Variants in ZHX3 observed in about 807,000 individuals in gnomAD.
ZHX3 encodes the protein zinc fingers and homeoboxes 3.
In ZHX3, 20 loss-of-function variants were observed where a neutral mutation model predicts 64.5. The ratio of observed to expected loss-of-function variants is 0.31; its 90% CI spans 0.22 to 0.45. ZHX3 has a LOEUF of 0.45. Ranked by LOEUF, ZHX3 falls within the 20% of genes least tolerant of loss-of-function variation. The pLI is 1.00. For synonymous variants in ZHX3, 423 were observed against 461.6 expected, an observed-to-expected ratio of 0.92 and a Z score of 1.07; for missense variants, 1,041 against 1,195.8, an observed-to-expected ratio of 0.87 and a Z score of 1.91.
intron 2 of ZHX3, among the ~76,000 whole-genome samples, chr20:41,215,973 G>GT (rs2039505424): frequency 6.6e-6 from 1 of 150,562 alleles, no homozygotes; most frequent in African/African-American, 2.4e-5. Context: ...AGGAAATAAT[G>GT]GTAGAAGTTG....
chr20:41,187,140 A>G (rs6029561), intron 3 of ZHX3, among the ~76,000 whole-genome samples: 87,635 of 151,448 alleles, frequency 0.58, 26,685 homozygotes, highest in East Asian at 0.82. Context: ...GCAACATAGC[A>G]AGATCCTGTC....
chr20:41,280,949 C>G (rs1399836338), intron 1 of ZHX3, among the ~76,000 whole-genome samples: 1 of 151,276 alleles, frequency 6.6e-6, no homozygotes, highest in Non-Finnish European at 1.5e-5. Flanking sequence ...CCAAACAGAT[C>G]TGAGTTAAAG....
In ZHX3 at chr20:41,243,837, C is replaced by T. The variant is rs189246099; in HGVS notation, c.-151+25153G>A. Among the ~76,000 whole-genome samples, 140 of 152,084 alleles carry T rather than the reference C, an allele frequency of 9.2e-4. 1 individual carries two copies. Among genetic ancestry groups the T allele is most frequent in the African/African-American group, 3.3e-3 (135 of 41,482 alleles). ...GAATGGACACAAGCAGTTTAGAAAC[C>T]CTATGACGAGGATCAACTCTGACTG... On this transcript the variant is annotated intron_variant, in intron 2 of 3. Coordinates refer to ENST00000683867, the MANE Select transcript of ZHX3 (RefSeq NM_001384317.1).
chr20:41,186,812 C>T (rs542907206), intron 3 of ZHX3, among the ~76,000 whole-genome samples: 1 of 152,186 alleles, frequency 6.6e-6, no homozygotes, highest in East Asian at 1.9e-4. Context: ...ATCATTTGCC[C>T]GTTTTTGAAT....
At chr20:41,192,551 A>G (rs2037120382) in intron 3 of ZHX3, among the ~76,000 whole-genome samples, 1 of 152,224 alleles carries the variant, frequency 6.6e-6, no homozygotes, top group South Asian at 2.1e-4. Flanking sequence ...AGCCCCTGCT[A>G]TGGTAGCTGG....
intron 2 of ZHX3, among the ~76,000 whole-genome samples, chr20:41,255,276 T>C (rs1258399957): frequency 1.3e-5 from 2 of 152,068 alleles, no homozygotes; most frequent in Non-Finnish European, 2.9e-5. Flanking sequence ...CTCAGCCTCC[T>C]GAGTAGCTGG....
chr20:41,264,735 A>G (rs868796125), intron 2 of ZHX3, among the ~76,000 whole-genome samples: 1 of 152,154 alleles, frequency 6.6e-6, no homozygotes, highest in Admixed American at 6.5e-5. Flanking sequence ...ACGGAAAGAG[A>G]GAAAACTATA....
chr20:41,252,228 C>A (rs1196281247), intron 2 of ZHX3, among the ~76,000 whole-genome samples: 1 of 151,998 alleles, frequency 6.6e-6, no homozygotes, highest in Non-Finnish European at 1.5e-5. Flanking sequence ...GGTATGGGAT[C>A]CAGGGAGGAG....
chr20:41,204,396 T>A lies in ZHX3; in HGVS notation c.521A>T (p.Asp174Val), dbSNP rs143830756. The A allele has an allele frequency of 6.2e-7, 1 of 1,614,102 alleles. No homozygotes were observed. Among genetic ancestry groups the A allele is most frequent in the Admixed American group, 1.7e-5 (1 of 60,010 alleles). ...GGTAATGATGATTTCTGCCTGTCCA[T>A]CAGCCCCTTCAGCACTGGGCTCACC... ...LAGEPSAEGA[D>V]GQAEIIITKT... Residue 174 changes from aspartate to valine, a missense_variant, in exon 3 of 4, where the codon GAT (aspartate) becomes GTT (valine). By Grantham distance (152) the Asp-to-Val change is radical. Transcript: ENST00000683867. This position sits in a 1 kb window ranked among gnomAD's most constrained non-coding sequence, Gnocchi z 6.6.
Position 41,226,596 on chromosome 20 carries a change from GAGC to G in ZHX3, c.-150-21533_-150-21531del, listed in dbSNP as rs2040289471. Among the ~76,000 whole-genome samples the G allele has an allele frequency of 6.6e-6, 1 of 152,156 alleles. No individual in the cohort carries two copies. Among genetic ancestry groups the G allele is most frequent in the African/African-American group, 2.4e-5 (1 of 41,442 alleles). ...TCTCCACAATCCTATGATGCTGGCA[GAGC>G]AGCAGAAATCACAGGAGTCATCAAT... On this transcript the variant is annotated intron_variant, in intron 2 of 3. Coordinates refer to ENST00000683867, the MANE Select transcript of ZHX3 (RefSeq NM_001384317.1). This position sits in a 1 kb window ranked among gnomAD's most constrained non-coding sequence, Gnocchi z 4.4.
At chr20:41,248,339 A>G (rs535199866) in intron 2 of ZHX3, among the ~76,000 whole-genome samples, 8 of 151,748 alleles carry the variant, frequency 5.3e-5, no homozygotes, top group Admixed American at 5.2e-4. Context: ...TTTGTAATTC[A>G]CTGACCATTA....
chr20:41,276,889 T>C (rs572956521), intron 1 of ZHX3, among the ~76,000 whole-genome samples: 2 of 152,358 alleles, frequency 1.3e-5, no homozygotes, highest in Middle Eastern at 3.4e-3. Context: ...ATTTTAAAAA[T>C]TGTGATATTC....
intron 2 of ZHX3, among the ~76,000 whole-genome samples, chr20:41,222,919 A>AAAAG (rs972932484): frequency 2.6e-5 from 4 of 151,542 alleles, no homozygotes; most frequent in South Asian, 2.1e-4. Context: ...AAAAAAAAAA[A>AAAAG]AAAGAAAGAA....
Position 41,204,580 on chromosome 20 carries a change from C to A in ZHX3, c.337G>T (p.Gly113Trp). 1 of 1,614,222 alleles carries A rather than the reference C, an allele frequency of 6.2e-7. No individual in the cohort carries two copies. The highest frequency in any genetic ancestry group is 8.5e-7 in the Non-Finnish European group (1 of 1,180,048). The change falls in exon 3 of 4, where the codon GGG (glycine) becomes TGG (tryptophan). Residue 113 changes from glycine (G) to tryptophan (W), a missense_variant. Around this residue, in one of 4 missense-constraint regions of ZHX3, gnomAD observed 358 missense variants for 369.1 expected, o/e 0.97. Coordinates refer to ENST00000683867, the MANE Select transcript of ZHX3 (RefSeq NM_001384317.1). The surrounding 1 kb of genome is among the most constrained non-coding windows in gnomAD (Gnocchi z 6.6). ...GGGGTTTTTGCCAGAAAACTGCACC[C>A]ACTGCATACAAAGGTTGGGTCTTTA... ...FNKDPTFVCS[G>W]CSFLAKTPEG...
At chr20:41,216,090 T>C (rs1469689967) in intron 2 of ZHX3, among the ~76,000 whole-genome samples, 1 of 152,194 alleles carries the variant, frequency 6.6e-6, no homozygotes, top group Non-Finnish European at 1.5e-5. Context: ...ATGAGGTTGA[T>C]CTGACAGACA....
intron 2 of ZHX3, among the ~76,000 whole-genome samples, chr20:41,263,978 A>C (rs1057508273): frequency 4.9e-4 from 74 of 151,956 alleles, no homozygotes; most frequent in African/African-American, 1.7e-3. Context: ...AGGACACAAA[A>C]AGAAGCAATA....
chr20:41,246,374 A>G (rs1409296548), intron 2 of ZHX3, among the ~76,000 whole-genome samples: 1 of 152,230 alleles, frequency 6.6e-6, no homozygotes, highest in East Asian at 1.9e-4. Context: ...ATACAGACAC[A>G]CCTTGAACAT....
At chr20:41,245,822 CA>C (rs1159877057) in intron 2 of ZHX3, among the ~76,000 whole-genome samples, 2 of 152,158 alleles carry the variant, frequency 1.3e-5, no homozygotes, top group Non-Finnish European at 1.5e-5. Flanking sequence ...ATACTTTACC[CA>C]CATTTCCTGC....
At chr20:41,293,654 G>A (rs536869559) in intron 1 of ZHX3, among the ~76,000 whole-genome samples, 53 of 152,342 alleles carry the variant, frequency 3.5e-4, no homozygotes, top group African/African-American at 1.2e-3. Flanking sequence ...GACTGACAGT[G>A]AACTGTGGTC....
Sources: gnomAD v4.1 joint callset for allele counts (sites outside exome capture counted in the v4.1 genomes callset) on GRCh38, gnomAD v4.1.1 for gene constraint, gnomAD v4.1.1 regional missense constraint, Gnocchi (gnomAD v3.1) non-coding constraint, MANE v1.5 for transcripts, NCBI Gene and HGNC (gene_info 2026-07-23, HGNC 2026-07-21) for gene names.